Variants in HS6ST3 observed in about 807,000 individuals in gnomAD.
HS6ST3 encodes heparan-sulfate 6-O-sulfotransferase 3.
A neutral mutation model predicts 36.7 loss-of-function variants in HS6ST3; 12 were observed. The ratio of observed to expected loss-of-function variants is 0.33; its 90% CI spans 0.21 to 0.53. The LOEUF is 0.53. Among genes scored for constraint, HS6ST3 ranks in the 20% least tolerant of loss-of-function variants. The pLI, the probability that HS6ST3 is intolerant of heterozygous loss-of-function variation, is 0.95. For missense variants in HS6ST3, 584 were observed against 640.9 expected, an observed-to-expected ratio of 0.91 and a Z score of 0.96; for synonymous variants, 240 against 257.5, an observed-to-expected ratio of 0.93 and a Z score of 0.65.
chr13:96,187,402 G>T (rs1224872484), intron 1 of HS6ST3, among the ~76,000 whole-genome samples: 1 of 152,162 alleles, frequency 6.6e-6, no homozygotes, highest in Admixed American at 6.6e-5. Flanking sequence ...TGCCAGGAAG[G>T]TAAGGCATTA....
intron 1 of HS6ST3, among the ~76,000 whole-genome samples, chr13:96,401,293 C>G (rs914128967): frequency 6.6e-6 from 1 of 151,954 alleles, no homozygotes; most frequent in Non-Finnish European, 1.5e-5. Flanking sequence ...GTCCAGCCCT[C>G]TACACCCTTC....
intron 1 of HS6ST3, among the ~76,000 whole-genome samples, chr13:96,476,369 T>C (rs563573477): frequency 1.6e-4 from 24 of 152,216 alleles, no homozygotes; most frequent in African/African-American, 5.5e-4. Context: ...TTTCTTTCTT[T>C]TCTTTTCTTT....
intron 1 of HS6ST3, among the ~76,000 whole-genome samples, chr13:96,255,752 T>C (rs1283401966): frequency 6.6e-6 from 1 of 152,198 alleles, no homozygotes; most frequent in African/African-American, 2.4e-5. Flanking sequence ...TTTATCCATA[T>C]GAACAGCTCT....
At chr13:96,373,942 G>A (rs1161553603) in intron 1 of HS6ST3, among the ~76,000 whole-genome samples, 1 of 152,120 alleles carries the variant, frequency 6.6e-6, no homozygotes, top group Admixed American at 6.6e-5. Flanking sequence ...CCCTTTTAGG[G>A]TTTGGACTAT....
At chr13:96,303,756 AT>A (rs575457502) in intron 1 of HS6ST3, among the ~76,000 whole-genome samples, 150 of 152,316 alleles carry the variant, frequency 9.8e-4, no homozygotes, top group Non-Finnish European at 2.5e-4. Context: ...TTTTGCATTG[AT>A]TTTGGCTGTG....
In HS6ST3 at chr13:96,722,845, C is replaced by T. The variant is rs574909261; in HGVS notation, c.708-109645C>T. Among the ~76,000 whole-genome samples the T allele has an allele frequency of 8.5e-5, 13 of 152,176 alleles. No homozygotes were observed. In the South Asian group the frequency reaches 1.0e-3, roughly 12 times the overall value. ...TACAAAAATTAGCTGGGCATGGTGGCGTGCGCCTGTAGTCCCAGCTACACG... is the reference window on the plus strand; with the variant it reads ...TACAAAAATTAGCTGGGCATGGTGGTGTGCGCCTGTAGTCCCAGCTACACG... On this transcript the variant is annotated intron_variant, in intron 1 of 1. Coordinates refer to ENST00000376705, the MANE Select transcript of HS6ST3 (RefSeq NM_153456.4).
intron 1 of HS6ST3, among the ~76,000 whole-genome samples, chr13:96,107,066 A>T (rs1420153385): frequency 6.6e-6 from 1 of 152,182 alleles, no homozygotes; most frequent in Non-Finnish European, 1.5e-5. Context: ...AGTTATGGAT[A>T]TTTGCAAGGG....
intron 1 of HS6ST3, among the ~76,000 whole-genome samples, chr13:96,560,902 G>A (rs1053705189): frequency 1.2e-4 from 18 of 152,088 alleles, no homozygotes; most frequent in Non-Finnish European, 7.4e-5. Flanking sequence ...CCAAACAAAT[G>A]AGAAAACATT....
chr13:96,616,918 C>G (rs1357744516), intron 1 of HS6ST3, among the ~76,000 whole-genome samples: 2 of 152,154 alleles, frequency 1.3e-5, no homozygotes, highest in Non-Finnish European at 2.9e-5. Flanking sequence ...ACACAAGATG[C>G]TTATTGAAGA....
chr13:96,155,588 G>C (rs1594697274), intron 1 of HS6ST3, among the ~76,000 whole-genome samples: 1 of 14,082 alleles, frequency 7.1e-5, no homozygotes, highest in African/African-American at 1.2e-4. Flanking sequence ...AAAGGTTAAG[G>C]ATTTTTTTTT....
chr13:96,504,988 TACTG>T (rs1414577978), intron 1 of HS6ST3, among the ~76,000 whole-genome samples: 1 of 152,138 alleles, frequency 6.6e-6, no homozygotes, highest in Non-Finnish European at 1.5e-5. Flanking sequence ...GATGAGAAAA[TACTG>T]ACCCAAAATA....
intron 1 of HS6ST3, among the ~76,000 whole-genome samples, chr13:96,153,373 G>T (rs1007918583): frequency 6.6e-6 from 1 of 152,116 alleles, no homozygotes; most frequent in Non-Finnish European, 1.5e-5. Flanking sequence ...TTAAATCTGT[G>T]CAATGCGGGG....
intron 1 of HS6ST3, among the ~76,000 whole-genome samples, chr13:96,128,522 G>A (rs1345457130): frequency 2.6e-5 from 4 of 152,140 alleles, no homozygotes; most frequent in Admixed American, 2.6e-4. Flanking sequence ...GGTGCTGCAT[G>A]GTTTTGCCCT....
At chr13:96,669,192 A>G (rs2056675130) in intron 1 of HS6ST3, among the ~76,000 whole-genome samples, 1 of 152,158 alleles carries the variant, frequency 6.6e-6, no homozygotes, top group South Asian at 2.1e-4. Flanking sequence ...TTAGGTATAA[A>G]CCCTATATGG....
intron 1 of HS6ST3, among the ~76,000 whole-genome samples, chr13:96,808,769 C>A (rs1226906388): frequency 6.6e-6 from 1 of 152,022 alleles, no homozygotes; most frequent in African/African-American, 2.4e-5. Context: ...GATGAGGGAG[C>A]CCAGATTGCA....
chr13:96,784,935 A>C (rs1877610302), intron 1 of HS6ST3, among the ~76,000 whole-genome samples: 1 of 152,228 alleles, frequency 6.6e-6, no homozygotes, highest in African/African-American at 2.4e-5. Context: ...TGGAAGGCCA[A>C]GGCAGGCAGA....
intron 1 of HS6ST3, among the ~76,000 whole-genome samples, chr13:96,225,324 G>T (rs185365533): frequency 6.6e-6 from 1 of 152,178 alleles, no homozygotes. Flanking sequence ...GCTATATGGG[G>T]TTTATTCCTT....
intron 1 of HS6ST3, among the ~76,000 whole-genome samples, chr13:96,773,304 T>C (rs1317975535): frequency 6.6e-6 from 1 of 152,122 alleles, no homozygotes; most frequent in Non-Finnish European, 1.5e-5. Context: ...GCGCCTGGAA[T>C]GCCAGTGAGA....
chr13:96,213,166 T>C (rs1644110887), intron 1 of HS6ST3, among the ~76,000 whole-genome samples: 1 of 152,216 alleles, frequency 6.6e-6, no homozygotes, highest in Non-Finnish European at 1.5e-5. Context: ...ATTAACCCAT[T>C]GGGGTTTTAT....
Sources: allele counts gnomAD v4.1 joint callset (sites outside exome capture counted in the v4.1 genomes callset), GRCh38; gene constraint gnomAD v4.1.1; transcripts MANE v1.5; gene names NCBI Gene and HGNC (gene_info 2026-07-23, HGNC 2026-07-21).